Variants in CSMD1 observed in about 807,000 individuals in gnomAD.
CSMD1 encodes the protein CUB and sushi domain-containing protein 1.
In CSMD1, 213 loss-of-function variants were observed where a neutral mutation model predicts 417.5. The observed-to-expected ratio is 0.51, with a 90% CI of 0.46 to 0.57. CSMD1 has a LOEUF of 0.57. Ranked by LOEUF, CSMD1 falls within the 20% of genes least tolerant of loss-of-function variation. The probability of loss-of-function intolerance (pLI) is 0.00; values close to 1 mark genes in which losing one functional copy is unlikely to be tolerated. For missense variants in CSMD1, 6,923 were observed against 4,529.7 expected (o/e 1.53, Z -15.17); for synonymous variants, 2,862 against 1,736.8 (o/e 1.65, Z -16.11).
chr8:4,625,728 G>GTA (rs1321373432), intron 2 of CSMD1, among the ~76,000 whole-genome samples: 6 of 152,080 alleles, frequency 3.9e-5, no homozygotes, highest in Admixed American at 3.3e-4. Flanking sequence ...CAGGCTTGGT[G>GTA]TATATATATA....
At chr8:3,560,344 AT>A (rs1441422692) in intron 10 of CSMD1, among the ~76,000 whole-genome samples, 2 of 152,302 alleles carry the variant, frequency 1.3e-5, no homozygotes, top group East Asian at 3.9e-4. Flanking sequence ...ACCTATCATT[AT>A]CATCACCACA....
intron 4 of CSMD1, among the ~76,000 whole-genome samples, chr8:4,027,586 C>T (rs900624543): frequency 6.6e-6 from 1 of 152,110 alleles, no homozygotes; most frequent in Non-Finnish European, 1.5e-5. Flanking sequence ...TTCCTGAGGC[C>T]TCCGCAGCCA....
chr8:4,502,957 A>G (rs1176339257), intron 2 of CSMD1, among the ~76,000 whole-genome samples: 31 of 152,200 alleles, frequency 2.0e-4, no homozygotes, highest in Non-Finnish European at 2.9e-5. Context: ...TCTAAATGGT[A>G]TAAGAGATTA....
In CSMD1 at chr8:4,823,293, T is replaced by G. The variant is rs112697326; in HGVS notation, c.85+171039A>C. Among the ~76,000 whole-genome samples, 326 of 152,182 alleles carry G rather than the reference T, an allele frequency of 2.1e-3. 5 individuals carry two copies. Among genetic ancestry groups the G allele is most frequent in the African/African-American group, 7.6e-3 (314 of 41,524 alleles). On this transcript the variant is annotated intron_variant, in intron 1 of 69. Coordinates refer to ENST00000635120, the MANE Select transcript of CSMD1 (RefSeq NM_033225.6). ...AACTCTTGGAATTAAAAACAATTAA[T>G]TATTTTTTCCAGATTTTAGTTCTGT... is the stretch of plus-strand genomic sequence containing the variant.
intron 51 of CSMD1, among the ~76,000 whole-genome samples, chr8:3,026,439 A>T (rs1262276914): frequency 6.6e-6 from 1 of 150,408 alleles, no homozygotes; most frequent in African/African-American, 2.5e-5. Flanking sequence ...ACTGGGCCTC[A>T]CTGGGCCTGA....
chr8:3,169,583 T>C (rs955601677), intron 37 of CSMD1, among the ~76,000 whole-genome samples: 7 of 152,258 alleles, frequency 4.6e-5, no homozygotes, highest in Middle Eastern at 3.4e-3. Flanking sequence ...ATTGTAGAGA[T>C]TGGCTACAAA....
chr8:4,922,127 T>TA (rs1357150274), intron 1 of CSMD1, among the ~76,000 whole-genome samples: 1 of 152,122 alleles, frequency 6.6e-6, no homozygotes, highest in Non-Finnish European at 1.5e-5. Context: ...GATTACCCAT[T>TA]GCCTTGCAGG....
intron 20 of CSMD1, among the ~76,000 whole-genome samples, chr8:3,363,137 G>T (rs147563268): frequency 6.6e-6 from 1 of 152,022 alleles, no homozygotes; most frequent in Non-Finnish European, 1.5e-5. Context: ...TTGTACCTCC[G>T]TCTGCTGAGA....
chr8:4,880,232 C>G (rs557033359), intron 1 of CSMD1, among the ~76,000 whole-genome samples: 1 of 152,084 alleles, frequency 6.6e-6, no homozygotes, highest in South Asian at 2.1e-4. Flanking sequence ...TTCGGAGATA[C>G]GCATTCAGTG....
chr8:3,220,652 G>A (rs896484954), intron 28 of CSMD1, among the ~76,000 whole-genome samples: 4 of 152,160 alleles, frequency 2.6e-5, no homozygotes, highest in Non-Finnish European at 5.9e-5. Flanking sequence ...CCAATATGGT[G>A]AAACCCTCTC....
At chr8:3,476,028 C>A (rs1375766496) in intron 11 of CSMD1, among the ~76,000 whole-genome samples, 2 of 152,136 alleles carry the variant, frequency 1.3e-5, no homozygotes, top group Non-Finnish European at 2.9e-5. Flanking sequence ...TTCAATAGTT[C>A]TATTCTAATC....
At chr8:3,446,072 A>G (rs1815286345) in intron 12 of CSMD1, among the ~76,000 whole-genome samples, 1 of 152,222 alleles carries the variant, frequency 6.6e-6, no homozygotes, top group South Asian at 2.1e-4. Flanking sequence ...CAGTCTGGAA[A>G]GATAACAGTA....
chr8:3,709,696 T>TGC (rs1284190532), intron 6 of CSMD1, among the ~76,000 whole-genome samples: 4,437 of 131,450 alleles, frequency 0.034, 459 homozygotes, highest in South Asian at 0.093. Context: ...TTTTTTTTTT[T>TGC]TTTTTTTTTT....
intron 11 of CSMD1, among the ~76,000 whole-genome samples, chr8:3,469,875 T>C (rs1816987005): frequency 6.6e-6 from 1 of 152,250 alleles, no homozygotes; most frequent in African/African-American, 2.4e-5. Context: ...GTTAACTAAA[T>C]ATGTATTTCT....
intron 8 of CSMD1, among the ~76,000 whole-genome samples, chr8:3,599,573 G>C (rs1584943227): frequency 6.6e-6 from 1 of 152,248 alleles, no homozygotes; most frequent in Middle Eastern, 3.4e-3. Flanking sequence ...CCACAACACT[G>C]CATTATTAAT....
intron 5 of CSMD1, among the ~76,000 whole-genome samples, chr8:3,942,860 G>A (rs1056123322): frequency 6.6e-6 from 1 of 152,126 alleles, no homozygotes; most frequent in Admixed American, 6.6e-5. Context: ...CCCACAAATT[G>A]ATGTGATAAT....
At chr8:2,999,529 G>A (rs1019800326) in intron 53 of CSMD1, among the ~76,000 whole-genome samples, 3 of 152,146 alleles carry the variant, frequency 2.0e-5, no homozygotes, top group African/African-American at 4.8e-5. Context: ...TGACAAAAAT[G>A]TATGCAACAC....
Position 4,186,841 on chromosome 8 carries a change from A to AG in CSMD1, c.416-154743_416-154742insC, listed in dbSNP as rs1175733013. The stretch of plus-strand genomic sequence containing the variant: ...GTCTCTACTAAAAATACAGAAAAAA[A>AG]AAAAATCAGCCGGGCGTGGTGTTGA... On this transcript the variant is annotated intron_variant, in intron 3 of 69. Coordinates refer to ENST00000635120, the MANE Select transcript of CSMD1 (RefSeq NM_033225.6). Among the ~76,000 whole-genome samples the AG allele has an allele frequency of 2.6e-5, 4 of 151,226 alleles. No individual in the cohort carries two copies. In the East Asian group the frequency reaches 7.8e-4, roughly 30 times the overall value.
Position 3,143,761 on chromosome 8 carries a change from T to A in CSMD1, c.6032-1087A>T, listed in dbSNP as rs369350660. Among the ~76,000 whole-genome samples the A allele has an allele frequency of 1.7e-3, 264 of 152,268 alleles. 2 individuals are homozygous for A. The highest frequency in any genetic ancestry group is 5.8e-3 in the African/African-American group (240 of 41,560). ...TTGATAGATGAGAACTTTAAAAAAA[T>A]TTTTGCATCTAATATATTTCCTAGA... On this transcript the variant is annotated intron_variant, in intron 40 of 69. Transcript: ENST00000635120.
Sources: allele counts gnomAD v4.1 joint callset (sites outside exome capture counted in the v4.1 genomes callset), GRCh38; gene constraint gnomAD v4.1.1; transcripts MANE v1.5; gene names NCBI Gene and HGNC (gene_info 2026-07-23, HGNC 2026-07-21).